Variants in EML6 observed in about 807,000 individuals in gnomAD.
EML6 encodes the protein EMAP like 6.
In EML6, 154 loss-of-function variants were observed where a neutral mutation model predicts 240.1. The observed-to-expected ratio is 0.64, with a 90% CI of 0.56 to 0.73. EML6 has a LOEUF of 0.73. Ranked by LOEUF, EML6 falls within the 30% of genes least tolerant of loss-of-function variation. The pLI is 0.00. For synonymous variants in EML6, 1,148 were observed against 899.0 expected, an observed-to-expected ratio of 1.28 and a Z score of -4.95; for missense variants, 2,964 against 2,474.6, an observed-to-expected ratio of 1.20 and a Z score of -4.20.
At chr2:54,741,059 C>T (rs997763322) in intron 2 of EML6, among the ~76,000 whole-genome samples, 6 of 152,098 alleles carry the variant, frequency 3.9e-5, no homozygotes, top group Non-Finnish European at 8.8e-5. Context: ...TCAGTGCTTA[C>T]TCTGTAAATG....
chr2:54,742,040 A>T (rs1683665542), intron 2 of EML6, among the ~76,000 whole-genome samples: 1 of 152,242 alleles, frequency 6.6e-6, no homozygotes, highest in Admixed American at 6.5e-5. Context: ...CTAAATTCAA[A>T]TTAACATTCA....
At position 54,892,447 on chromosome 2, in the gene EML6, A is replaced by G; in HGVS notation, c.2540-7A>G. The G allele has an allele frequency of 1.3e-6, 2 of 1,547,258 alleles. No homozygotes were observed. Among genetic ancestry groups the G allele is most frequent in the Non-Finnish European group, 1.7e-6 (2 of 1,143,444 alleles). ...ATAAAGTAATAACTGTTCTTGGTCC[A>G]CTCTAGGTGGGGGCTTCACTTCTAA... On this transcript the variant is annotated splice_polypyrimidine_tract_variant and splice_region_variant and intron_variant, in intron 18 of 41. Coordinates refer to ENST00000356458, the MANE Select transcript of EML6 (RefSeq NM_001039753.4).
intron 2 of EML6, among the ~76,000 whole-genome samples, chr2:54,806,653 G>A (rs1256156919): frequency 4.0e-5 from 5 of 124,920 alleles, no homozygotes; most frequent in South Asian, 5.2e-4. Context: ...AAGAATGTCC[G>A]TTTCTGGGGG....
rs747105150 is a variant in EML6, at chr2:54,866,873, G to A, written c.2040G>A (p.Gln680=). The A allele has an allele frequency of 1.1e-5, 17 of 1,548,370 alleles. No individual in the cohort carries two copies. The highest frequency in any genetic ancestry group is 7.1e-5 in the South Asian group (6 of 84,012). The stretch of plus-strand genomic sequence containing the variant: ...CTCCTGAGGACAGCTTGAAACTCCA[G>A]TTCATACACGGGTGGGTGGCCTGTC... ...EKAPEDSLKL[Q]FIHGYRGYDC... The change falls in exon 14 of 42, where the codon CAG becomes CAA. Residue 680 remains glutamine (Q), a synonymous_variant. Transcript: ENST00000356458.
At chr2:54,906,003 T>C (rs1334350664) in intron 24 of EML6, among the ~76,000 whole-genome samples, 8 of 152,352 alleles carry the variant, frequency 5.3e-5, no homozygotes, top group Middle Eastern at 3.4e-3. Context: ...TACAAATATA[T>C]CTTCAAAACC....
chr2:54,873,141 A>T (rs1372341602), intron 16 of EML6, among the ~76,000 whole-genome samples: 1 of 152,230 alleles, frequency 6.6e-6, no homozygotes, highest in Non-Finnish European at 1.5e-5. Flanking sequence ...TTACATTATA[A>T]ACCACGTTTG....
chr2:54,799,032 T>C (rs1413880066), intron 2 of EML6, among the ~76,000 whole-genome samples: 2 of 152,212 alleles, frequency 1.3e-5, no homozygotes, highest in Non-Finnish European at 2.9e-5. Flanking sequence ...GAGATGATTG[T>C]ATTTTTTTTC....
chr2:54,967,128 G>T (rs965380217), intron 39 of EML6, 25 bp downstream of exon 39: 18 of 1,474,046 alleles, frequency 1.2e-5, no homozygotes, highest in Non-Finnish European at 1.7e-5. Flanking sequence ...GAAAAAACTT[G>T]AGGAAAAGGT....
rs568469355 is a variant in EML6 at position 54,869,193 on chromosome 2, C to T, written c.2064C>T (p.Tyr688=). The change falls in exon 15 of 42, where the codon TAC becomes TAT. Residue 688 remains tyrosine (Y), a synonymous_variant. Coordinates refer to ENST00000356458, the MANE Select transcript of EML6 (RefSeq NM_001039753.4). ...KLQFIHGYRG[Y]DCRNNLFYTQ... ...ACCTGTGCTTCAGTTATAGAGGCTA[C>T]GACTGTAGAAACAATCTGTTCTACA... The T allele has an allele frequency of 4.3e-5, 66 of 1,550,130 alleles. No homozygotes were observed. The highest frequency in any genetic ancestry group is 2.0e-4 in the Admixed American group (10 of 50,982).
At chr2:54,744,130 T>G (rs537398700) in intron 2 of EML6, among the ~76,000 whole-genome samples, 65 of 111,830 alleles carry the variant, frequency 5.8e-4, no homozygotes, top group Non-Finnish European at 8.3e-4. Flanking sequence ...AGGAGAGTTG[T>G]GGGGGGTGGG....
intron 26 of EML6, among the ~76,000 whole-genome samples, chr2:54,925,928 C>T (rs907383463): frequency 1.3e-5 from 2 of 152,160 alleles, no homozygotes; most frequent in East Asian, 1.9e-4. Context: ...CTTAAGTTTC[C>T]TCCTCAGAAT....
intron 28 of EML6, among the ~76,000 whole-genome samples, chr2:54,935,249 G>C (rs1303044289): frequency 1.3e-5 from 2 of 152,054 alleles, no homozygotes; most frequent in East Asian, 3.9e-4. Flanking sequence ...GCTTATCTTT[G>C]GTGTTCCTGT....
chr2:54,850,493 A>C, intron 10 of EML6: 1 of 358,464 alleles, frequency 2.8e-6, no homozygotes, highest in South Asian at 5.6e-5. Flanking sequence ...CAAGGCATAG[A>C]CTAGGCATAA....
chr2:54,820,349 A>AAT, intron 4 of EML6, 45 bp from the exon 5 acceptor site: 1 of 1,384,140 alleles, frequency 7.2e-7, no homozygotes, highest in Non-Finnish European at 1.0e-6. Flanking sequence ...AAAAGGCAAA[A>AAT]ATATACCAAA....
intron 2 of EML6, among the ~76,000 whole-genome samples, chr2:54,731,066 C>T (rs1023886845): frequency 6.6e-6 from 1 of 152,122 alleles, no homozygotes; most frequent in African/African-American, 2.4e-5. Context: ...AGGGAGATGG[C>T]ATTTAAGCAG....
Position 54,774,129 on chromosome 2 carries a change from G to C in EML6, c.198-39103G>C, listed in dbSNP as rs1310194571. On this transcript the variant is annotated intron_variant, in intron 2 of 41. Coordinates refer to ENST00000356458, the MANE Select transcript of EML6 (RefSeq NM_001039753.4). The surrounding 1 kb of genome is among the most constrained non-coding windows in gnomAD (Gnocchi z 4.1). ...GAGCATGGTTGAATGGCCACACCCA[G>C]CAGACTCCAAGGGAAGCTAGGAAAT... Among the ~76,000 whole-genome samples, 2 of 152,186 alleles carry C rather than the reference G, an allele frequency of 1.3e-5. No homozygotes were observed. The highest frequency in any genetic ancestry group is 4.8e-5 in the African/African-American group (2 of 41,434).
At chr2:54,730,735 A>G (rs1347450563) in intron 2 of EML6, among the ~76,000 whole-genome samples, 2 of 152,198 alleles carry the variant, frequency 1.3e-5, no homozygotes, top group African/African-American at 2.4e-5. Context: ...CTTCTTATTA[A>G]TAAATTATAG....
At chr2:54,814,410 T>G (rs1667991307) in intron 3 of EML6, among the ~76,000 whole-genome samples, 1 of 152,224 alleles carries the variant, frequency 6.6e-6, no homozygotes, top group Non-Finnish European at 1.5e-5. Flanking sequence ...GATAGGTTGA[T>G]ACGTTCTAGA....
At chr2:54,965,700 G>C (rs1358945871) in intron 38 of EML6, among the ~76,000 whole-genome samples, 4 of 152,184 alleles carry the variant, frequency 2.6e-5, no homozygotes, top group Admixed American at 6.5e-5. Flanking sequence ...GATCAGATGA[G>C]CCAGTGTATT....
Sources: allele counts gnomAD v4.1 joint callset (sites outside exome capture counted in the v4.1 genomes callset), GRCh38; gene constraint gnomAD v4.1.1; non-coding constraint Gnocchi (gnomAD v3.1); transcripts MANE v1.5; gene names NCBI Gene and HGNC (gene_info 2026-07-23, HGNC 2026-07-21).